LINGO2: variants seen among roughly 807,000 people sequenced by gnomAD.
LINGO2 encodes leucine rich repeat and Ig domain containing 2.
A neutral mutation model predicts 30.6 loss-of-function variants in LINGO2; 14 were observed. The ratio of observed to expected loss-of-function variants is 0.46; its 90% CI spans 0.30 to 0.72. The LOEUF (loss-of-function observed/expected upper bound fraction) is 0.72, where lower values mean the gene tolerates loss of function less well. LINGO2 is among the 30% of genes least tolerant of loss of function. The pLI is 0.07. For missense variants in LINGO2, 729 were observed against 751.7 expected (o/e 0.97, Z 0.35); for synonymous variants, 317 against 288.5 (o/e 1.10, Z -1.00).
chr9:28,814,147 T>C, the LINGO2 span, among the ~76,000 whole-genome samples: 44 of 152,278 alleles, frequency 2.9e-4, no homozygotes, highest in Non-Finnish European at 6.0e-4. Flanking sequence ...GTCTTAAAAA[T>C]AGAACTGCAG....
chr9:28,814,193 C>T, the LINGO2 span, among the ~76,000 whole-genome samples: 6 of 152,166 alleles, frequency 3.9e-5, no homozygotes. Flanking sequence ...AATCTCAGAA[C>T]TTTGGGAGGC....
intron 4 of LINGO2, among the ~76,000 whole-genome samples, chr9:28,191,477 G>C (rs1238349662): frequency 1.3e-5 from 2 of 152,096 alleles, no homozygotes; most frequent in African/African-American, 4.8e-5. Context: ...TAGGCAGGAA[G>C]AATAAAATAA....
At chr9:28,899,000 G>T in the LINGO2 span, among the ~76,000 whole-genome samples, 1 of 152,146 alleles carries the variant, frequency 6.6e-6, no homozygotes, top group African/African-American at 2.4e-5. Context: ...GCAATAGGTG[G>T]AGTAGGACCT....
chr9:29,209,029 A>C, the LINGO2 span, among the ~76,000 whole-genome samples: 1 of 152,192 alleles, frequency 6.6e-6, no homozygotes, highest in Non-Finnish European at 1.5e-5. Context: ...AAGGTTTCCT[A>C]AAATATGATA....
At chr9:28,533,872 G>T (rs1821329326) in intron 1 of LINGO2, among the ~76,000 whole-genome samples, 1 of 152,126 alleles carries the variant, frequency 6.6e-6, no homozygotes, top group Non-Finnish European at 1.5e-5. Context: ...TTCTGTTCAT[G>T]ACATTATTAT....
At chr9:28,375,650 A>C (rs1564159665) in intron 2 of LINGO2, among the ~76,000 whole-genome samples, 1 of 152,188 alleles carries the variant, frequency 6.6e-6, no homozygotes, top group Non-Finnish European at 1.5e-5. Context: ...AAATTCTCTA[A>C]ATCAATGACC....
the LINGO2 span, among the ~76,000 whole-genome samples, chr9:28,995,030 A>G: frequency 6.6e-6 from 1 of 151,982 alleles, no homozygotes; most frequent in South Asian, 2.1e-4. Flanking sequence ...GGATCTAATT[A>G]AACTAAAGAG....
chr9:27,981,559 A>AAT (rs1820869988), intron 5 of LINGO2, among the ~76,000 whole-genome samples: 2 of 123,798 alleles, frequency 1.6e-5, no homozygotes, highest in South Asian at 3.1e-4. Flanking sequence ...AAGAAAAAAA[A>AAT]GAAAAAAAAA....
the LINGO2 span, among the ~76,000 whole-genome samples, chr9:28,747,295 C>A: frequency 6.2e-3 from 937 of 152,076 alleles, 8 homozygotes; most frequent in Non-Finnish European, 0.01. Flanking sequence ...CAGCCCAACT[C>A]CAGGGGAAGA....
intron 3 of LINGO2, among the ~76,000 whole-genome samples, chr9:28,330,491 A>G (rs1208188309): frequency 6.6e-6 from 1 of 152,160 alleles, no homozygotes; most frequent in African/African-American, 2.4e-5. Flanking sequence ...TTGATACATT[A>G]TATTAGATGG....
intron 1 of LINGO2, among the ~76,000 whole-genome samples, chr9:28,610,727 T>G (rs1236144257): frequency 6.6e-6 from 1 of 152,128 alleles, no homozygotes. Context: ...GGCTCAGATA[T>G]TTTGGTAAAA....
At chr9:28,787,681 C>A in the LINGO2 span, among the ~76,000 whole-genome samples, 3 of 152,104 alleles carry the variant, frequency 2.0e-5, no homozygotes, top group South Asian at 6.2e-4. Context: ...ATTCCTAACA[C>A]CACTGGAAGG....
chr9:28,876,498 G>C, the LINGO2 span, among the ~76,000 whole-genome samples: 1 of 151,774 alleles, frequency 6.6e-6, no homozygotes, highest in African/African-American at 2.4e-5. Context: ...AGAACACGTG[G>C]TGTTTGGTTT....
chr9:28,159,281 T>C (rs1371553621), intron 4 of LINGO2, among the ~76,000 whole-genome samples: 1 of 152,168 alleles, frequency 6.6e-6, no homozygotes, highest in Non-Finnish European at 1.5e-5. Flanking sequence ...GAACAGAGAA[T>C]TAAAATGCTG....
chr9:28,717,716 C>G, the LINGO2 span, among the ~76,000 whole-genome samples: 1 of 151,968 alleles, frequency 6.6e-6, no homozygotes, highest in Non-Finnish European at 1.5e-5. Flanking sequence ...TCCCTCCTGT[C>G]TCTTCTTACT....
At chr9:29,107,151 C>A in the LINGO2 span, among the ~76,000 whole-genome samples, 1 of 151,986 alleles carries the variant, frequency 6.6e-6, no homozygotes, top group Non-Finnish European at 1.5e-5. Context: ...GCTTTCAGAA[C>A]AAGGATCTCT....
chr9:28,658,263 G>C (rs753362094), intron 1 of LINGO2, among the ~76,000 whole-genome samples: 2 of 151,924 alleles, frequency 1.3e-5, no homozygotes, highest in Non-Finnish European at 2.9e-5. Context: ...AAGTCACATT[G>C]GTGTATACAG....
At chr9:28,896,338 T>C in the LINGO2 span, among the ~76,000 whole-genome samples, 1 of 152,200 alleles carries the variant, frequency 6.6e-6, no homozygotes, top group African/African-American at 2.4e-5. Context: ...ATTTGGTACA[T>C]GCGGCTTTAT....
chr9:28,907,887 C>G, the LINGO2 span, among the ~76,000 whole-genome samples: 3 of 151,304 alleles, frequency 2.0e-5, no homozygotes, highest in Non-Finnish European at 1.5e-5. Context: ...GGCCTTACAT[C>G]TCTGAAAATG....
Sources: allele counts gnomAD v4.1 joint callset (sites outside exome capture counted in the v4.1 genomes callset), GRCh38; gene constraint gnomAD v4.1.1; transcripts MANE v1.5; gene names NCBI Gene and HGNC (gene_info 2026-07-23, HGNC 2026-07-21).